The following ARHGAP28 variants were observed in gnomAD, a reference collection of about 807,000 sequenced individuals.
The protein encoded by ARHGAP28 is rho GTPase-activating protein 28.
A neutral mutation model predicts 90.7 loss-of-function variants in ARHGAP28; 56 were observed. That is an observed-to-expected ratio of 0.62 (90% CI 0.50 to 0.77). The LOEUF (loss-of-function observed/expected upper bound fraction) is 0.77. Ranked by LOEUF, ARHGAP28 falls within the 30% of genes least tolerant of loss-of-function variation. The pLI is 0.00. For missense variants in ARHGAP28, 869 were observed against 900.9 expected, an observed-to-expected ratio of 0.96 and a Z score of 0.45; for synonymous variants, 308 against 323.3, an observed-to-expected ratio of 0.95 and a Z score of 0.51.
intron 11 of ARHGAP28, 68 bp from the exon 12 acceptor site, chr18:6,887,089 A>G: frequency 7.1e-7 from 1 of 1,404,256 alleles, no homozygotes; most frequent in Non-Finnish European, 1.0e-6. Flanking sequence ...ACCAGATGCT[A>G]GCAAGAAATG....
chr18:6,833,648 A>G (rs756899843), intron 2 of ARHGAP28, among the ~76,000 whole-genome samples: 15 of 152,220 alleles, frequency 9.9e-5, no homozygotes, highest in Admixed American at 2.0e-4. Context: ...TTCTCATGGC[A>G]TCCTGTCAGG....
chr18:6,747,612 G>C (rs980588446), intron 1 of ARHGAP28, among the ~76,000 whole-genome samples: 7 of 152,172 alleles, frequency 4.6e-5, no homozygotes, highest in African/African-American at 1.4e-4. Context: ...TTAAAGCATT[G>C]ATTTTGAAAG....
At chr18:6,844,337 T>C (rs965776231) in intron 3 of ARHGAP28, among the ~76,000 whole-genome samples, 2 of 152,200 alleles carry the variant, frequency 1.3e-5, no homozygotes, top group Admixed American at 6.5e-5. Flanking sequence ...GTCTTTCTTT[T>C]TGGCTTTCAT....
intron 16 of ARHGAP28, among the ~76,000 whole-genome samples, chr18:6,908,299 G>A (rs995742464): frequency 1.3e-5 from 2 of 151,904 alleles, no homozygotes; most frequent in South Asian, 2.1e-4. Context: ...CACCACGCCC[G>A]GCTGATTTTT....
At position 6,873,439 on chromosome 18, in the gene ARHGAP28, T is replaced by C. The variant is rs973062241; in HGVS notation, c.985T>C (p.Leu329=). Residue 329 remains leucine (L), a synonymous_variant, in exon 8 of 18, where the codon TTA becomes CTA. Coordinates refer to ENST00000383472, the MANE Select transcript of ARHGAP28 (RefSeq NM_001366230.1). ...TAATGTTCAGAAAACCAGATTTGGC[T>C]TAACTGAAGCAGGAGATCTGTCTGC... ...KFNVQKTRFG[L]TEAGDLSAED... 6.2e-7 allele frequency: 1 copy of C among 1,610,854 alleles called. No homozygotes were observed. Among genetic ancestry groups the C allele is most frequent in the African/African-American group, 1.3e-5 (1 of 74,746 alleles).
At chr18:6,766,287 G>A (rs1026726478) in intron 1 of ARHGAP28, among the ~76,000 whole-genome samples, 1 of 152,120 alleles carries the variant, frequency 6.6e-6, no homozygotes, top group Admixed American at 6.6e-5. Flanking sequence ...GTGTCTCAGG[G>A]CATACTCATT....
chr18:6,885,243 T>G (rs503291), intron 11 of ARHGAP28, among the ~76,000 whole-genome samples: 120,616 of 152,084 alleles, frequency 0.79, 48,203 homozygotes, highest in Non-Finnish European at 0.86. Flanking sequence ...AGGTGGTTGA[T>G]TTGATACCAG....
At chr18:6,892,779 T>C (rs1488033901) in intron 14 of ARHGAP28, among the ~76,000 whole-genome samples, 1 of 152,232 alleles carries the variant, frequency 6.6e-6, no homozygotes, top group Non-Finnish European at 1.5e-5. Flanking sequence ...AACTAATGAT[T>C]AGACAGAGAT....
intron 1 of ARHGAP28, among the ~76,000 whole-genome samples, chr18:6,739,665 C>CTCTT (rs1218161066): frequency 4.0e-5 from 6 of 151,560 alleles, no homozygotes; most frequent in Non-Finnish European, 8.8e-5. Context: ...CTCTCTCTCT[C>CTCTT]TCTCTCTTTC....
At chr18:6,756,900 C>G (rs1411451070) in intron 1 of ARHGAP28, among the ~76,000 whole-genome samples, 1 of 152,160 alleles carries the variant, frequency 6.6e-6, no homozygotes, top group East Asian at 1.9e-4. Flanking sequence ...CCTTCTTCTG[C>G]CTGCTTTATG....
intron 16 of ARHGAP28, among the ~76,000 whole-genome samples, chr18:6,899,969 G>A (rs751060426): frequency 6.6e-6 from 1 of 151,902 alleles, no homozygotes; most frequent in East Asian, 1.9e-4. Context: ...GTGTCAGTGG[G>A]GCCCAGTGAG....
At chr18:6,898,308 G>T (rs936789869) in intron 16 of ARHGAP28, 1 of 506,568 alleles carries the variant, frequency 2.0e-6, no homozygotes, top group Admixed American at 3.9e-5. Context: ...TCTCCTTTTG[G>T]TATTAGATTA....
chr18:6,909,817 T>C (rs2143870621), intron 17 of ARHGAP28, among the ~76,000 whole-genome samples: 1 of 152,172 alleles, frequency 6.6e-6, no homozygotes, highest in Non-Finnish European at 1.5e-5. Flanking sequence ...GCCCCATGGG[T>C]GCTCCGTGCT....
intron 1 of ARHGAP28, among the ~76,000 whole-genome samples, chr18:6,783,965 C>T (rs1277708444): frequency 5.3e-5 from 8 of 152,198 alleles, no homozygotes; most frequent in East Asian, 1.9e-4. Flanking sequence ...GGTGATGCCT[C>T]ATCCTCCTGG....
rs770246922 is a variant in ARHGAP28 at position 6,859,905 on chromosome 18, A to T, written c.726+8A>T. On this transcript the variant is annotated splice_region_variant and intron_variant, in intron 5 of 17. Coordinates refer to ENST00000383472, the MANE Select transcript of ARHGAP28 (RefSeq NM_001366230.1). Reference sequence around the variant, plus strand: ...CCCAGGAGTGACTCTGTGGTAAGTCATCCATGTCAGCACAGTTACATGTCA... The same window carrying T: ...CCCAGGAGTGACTCTGTGGTAAGTCTTCCATGTCAGCACAGTTACATGTCA... The T allele has an allele frequency of 4.9e-5, 79 of 1,612,552 alleles. No homozygotes were observed. Among genetic ancestry groups the T allele is most frequent in the Middle Eastern group, 3.3e-4 (2 of 6,080 alleles).
intron 3 of ARHGAP28, among the ~76,000 whole-genome samples, chr18:6,844,088 T>C (rs1048224008): frequency 2.0e-5 from 3 of 152,198 alleles, no homozygotes; most frequent in African/African-American, 7.2e-5. Context: ...AAATAGTCGA[T>C]TTAATTTATC....
At chr18:6,895,853 T>C (rs1325646727) in intron 15 of ARHGAP28, among the ~76,000 whole-genome samples, 1 of 152,224 alleles carries the variant, frequency 6.6e-6, no homozygotes, top group African/African-American at 2.4e-5. Flanking sequence ...TATTCTAGGA[T>C]ATCAATAGAA....
intron 1 of ARHGAP28, among the ~76,000 whole-genome samples, chr18:6,737,429 C>T (rs894591587): frequency 2.0e-5 from 3 of 152,218 alleles, no homozygotes; most frequent in African/African-American, 7.2e-5. Context: ...TCAGGCAGCT[C>T]TGAAAGTCTT....
chr18:6,911,095 A>C (rs1352455378), intron 17 of ARHGAP28, among the ~76,000 whole-genome samples: 1 of 151,604 alleles, frequency 6.6e-6, no homozygotes, highest in Non-Finnish European at 1.5e-5. Flanking sequence ...CGGCCTCCCA[A>C]AGTGCTGGGA....
Sources: gnomAD v4.1 joint callset for allele counts (sites outside exome capture counted in the v4.1 genomes callset) on GRCh38, gnomAD v4.1.1 for gene constraint, MANE v1.5 for transcripts, NCBI Gene and HGNC (gene_info 2026-07-23, HGNC 2026-07-21) for gene names.